The following ADARB2 variants were observed in gnomAD, a reference collection of about 807,000 sequenced individuals.
ADARB2 encodes adenosine deaminase RNA specific B2 (inactive), also known as inactive double-stranded RNA-specific editase B2.
ADARB2 carries 25 observed loss-of-function variants against 62.2 expected under a neutral mutation model. The ratio of observed to expected loss-of-function variants is 0.40; its 90% CI spans 0.29 to 0.56. The LOEUF (loss-of-function observed/expected upper bound fraction) is 0.56, where lower values mean the gene tolerates loss of function less well. Among genes scored for constraint, ADARB2 ranks in the 20% least tolerant of loss-of-function variants. ADARB2 has a pLI of 0.43. For missense variants in ADARB2, 1,071 were observed against 1,077.4 expected (o/e 0.99, Z 0.08); for synonymous variants, 572 against 500.8 (o/e 1.14, Z -1.90).
At chr10:1,432,670 A>G (rs571625591) in intron 1 of ADARB2, among the ~76,000 whole-genome samples, 176 of 151,950 alleles carry the variant, frequency 1.2e-3, no homozygotes, top group African/African-American at 4.0e-3. Context: ...TGGCTGTGGT[A>G]CAGATTGCCA....
intron 2 of ADARB2, among the ~76,000 whole-genome samples, chr10:1,378,612 T>C (rs1040780720): frequency 2.0e-5 from 3 of 152,076 alleles, no homozygotes; most frequent in East Asian, 1.9e-4. Flanking sequence ...AGGATGGGAC[T>C]GAAGATGAGA....
chr10:1,471,658 G>C (rs1238368296), intron 1 of ADARB2, among the ~76,000 whole-genome samples: 1 of 152,204 alleles, frequency 6.6e-6, no homozygotes, highest in Non-Finnish European at 1.5e-5. Flanking sequence ...CTCCCAAAGT[G>C]CTGGGATTAT....
chr10:1,301,167 G>A (rs918498756), intron 3 of ADARB2, among the ~76,000 whole-genome samples: 7 of 152,206 alleles, frequency 4.6e-5, no homozygotes, highest in Admixed American at 1.3e-4. Context: ...TGATAAAATC[G>A]TGGCACAGGG....
In ADARB2 at chr10:1,624,782, TCA is replaced by T. The variant is rs544677048; in HGVS notation, c.100+112267_100+112268del. Reference sequence around the variant, plus strand: ...AACAAAATGACTTCTAATTTTATCTTCAGAGTCTTTAAAGGTAAAAAAGTACT... The same window carrying T: ...AACAAAATGACTTCTAATTTTATCTTGAGTCTTTAAAGGTAAAAAAGTACT... On this transcript the variant is annotated intron_variant, in intron 1 of 9. Coordinates refer to ENST00000381312, the MANE Select transcript of ADARB2 (RefSeq NM_018702.4). 2.0e-5 allele frequency among the ~76,000 whole-genome samples: 3 copies of T among 152,328 alleles called. No homozygotes were observed. In the South Asian group the frequency reaches 6.2e-4, roughly 32 times the overall value.
chr10:1,596,598 C>T (rs1437884718), intron 1 of ADARB2, among the ~76,000 whole-genome samples: 3 of 152,170 alleles, frequency 2.0e-5, no homozygotes, highest in African/African-American at 4.8e-5. Context: ...AGGCCCTGAT[C>T]CCTGCAGGGG....
At chr10:1,615,591 T>G (rs1326029306) in intron 1 of ADARB2, among the ~76,000 whole-genome samples, 4 of 152,232 alleles carry the variant, frequency 2.6e-5, no homozygotes, top group African/African-American at 9.6e-5. Flanking sequence ...CGAATGGGAA[T>G]TGGGCTCTCC....
At chr10:1,223,990 A>G (rs1250052939) in intron 6 of ADARB2, among the ~76,000 whole-genome samples, 2 of 152,188 alleles carry the variant, frequency 1.3e-5, no homozygotes, top group Non-Finnish European at 2.9e-5. Context: ...ATAGTTTCAG[A>G]AGGAATGGTA....
At chr10:1,321,000 A>G (rs2131827635) in intron 3 of ADARB2, among the ~76,000 whole-genome samples, 1 of 152,322 alleles carries the variant, frequency 6.6e-6, no homozygotes, top group East Asian at 1.9e-4. Context: ...TTTACTGTGA[A>G]ATGTTCTGAT....
At chr10:1,287,873 T>C (rs1831427758) in intron 3 of ADARB2, among the ~76,000 whole-genome samples, 1 of 152,252 alleles carries the variant, frequency 6.6e-6, no homozygotes, top group South Asian at 2.1e-4. Context: ...ATCTAAGCGT[T>C]CCTTCCTCTC....
chr10:1,466,910 A>C (rs1229809665), intron 1 of ADARB2, among the ~76,000 whole-genome samples: 1 of 152,026 alleles, frequency 6.6e-6, no homozygotes, highest in Non-Finnish European at 1.5e-5. Context: ...CTGCGTGTTG[A>C]CTTCAGGGTG....
chr10:1,489,589 G>A (rs1831594240), intron 1 of ADARB2, among the ~76,000 whole-genome samples: 1 of 152,188 alleles, frequency 6.6e-6, no homozygotes, highest in South Asian at 2.1e-4. Flanking sequence ...CAATCTCAGA[G>A]TTTTTTAAAC....
chr10:1,574,674 A>G (rs140859751), intron 1 of ADARB2, among the ~76,000 whole-genome samples: 18 of 152,268 alleles, frequency 1.2e-4, no homozygotes, highest in Non-Finnish European at 1.3e-4. Flanking sequence ...GTCTGCTTTT[A>G]TAAGGACACC....
rs189731041 is a variant in ADARB2, at chr10:1,534,799, C to T, written c.101-155639G>A. 73 of 167,178 alleles carry T rather than the reference C, an allele frequency of 4.4e-4. 1 individual carries two copies. The highest frequency in any genetic ancestry group is 7.3e-4 in the Non-Finnish European group (50 of 68,146). 10.4% of individuals were successfully genotyped at this position (167,178 alleles called of 1,614,324 possible). On this transcript the variant is annotated intron_variant, in intron 1 of 9. Coordinates refer to ENST00000381312, the MANE Select transcript of ADARB2 (RefSeq NM_018702.4). ...TGGGAGAGAGATTTGATATCTGCTT[C>T]CCTTTCAAATGAAAGGAAAAGAGTG...
chr10:1,723,239 C>CT (rs1835118942), intron 1 of ADARB2, among the ~76,000 whole-genome samples: 2 of 152,206 alleles, frequency 1.3e-5, no homozygotes, highest in African/African-American at 4.8e-5. Context: ...CCAGCAGTGT[C>CT]TTTTCTAAGT....
chr10:1,410,055 A>C (rs1588248064), intron 1 of ADARB2, among the ~76,000 whole-genome samples: 1 of 106,674 alleles, frequency 9.4e-6, no homozygotes, highest in African/African-American at 3.3e-5. Context: ...GGCTGTGGTC[A>C]TAGGGAAGGA....
chr10:1,466,363 G>T (rs1564298080), intron 1 of ADARB2, among the ~76,000 whole-genome samples: 2 of 152,338 alleles, frequency 1.3e-5, no homozygotes, highest in South Asian at 2.1e-4. Flanking sequence ...CTGGCCCCTT[G>T]CATGTTAGGG....
At chr10:1,310,026 GTTTCC>G (rs1831674128) in intron 3 of ADARB2, among the ~76,000 whole-genome samples, 1 of 152,182 alleles carries the variant, frequency 6.6e-6, no homozygotes, top group African/African-American at 2.4e-5. Flanking sequence ...GTCTTCATGT[GTTTCC>G]TTTAACTTCT....
chr10:1,523,320 A>G (rs934097512), intron 1 of ADARB2, among the ~76,000 whole-genome samples: 1 of 152,212 alleles, frequency 6.6e-6, no homozygotes, highest in African/African-American at 2.4e-5. Flanking sequence ...GATTTTGTGT[A>G]AGTGCAAGAG....
At position 1,200,046 on chromosome 10, in the gene ADARB2, A is replaced by G; in HGVS notation, c.1784T>C (p.Leu595Pro). 1 of 1,596,390 alleles carries G rather than the reference A, an allele frequency of 6.3e-7. No individual in the cohort carries two copies. Among genetic ancestry groups the G allele is most frequent in the Non-Finnish European group, 8.5e-7 (1 of 1,175,612 alleles). Residue 595 changes from leucine to proline, a missense_variant, in exon 8 of 10, where the codon CTC (leucine) becomes CCC (proline). Transcript: ENST00000381312. Reference protein sequence around the residue: ...VVGSLHHTGHLARVMSHRMEG... With the variant: ...VVGSLHHTGHPARVMSHRMEG... Reference sequence around the variant, plus strand: ...CATGCGGTGGCTCATGACGCGTGCGAGGTGGCCCGTGTGGTGCAGGCTGCC... The same window carrying G: ...CATGCGGTGGCTCATGACGCGTGCGGGGTGGCCCGTGTGGTGCAGGCTGCC...
Sources: allele counts gnomAD v4.1 joint callset (sites outside exome capture counted in the v4.1 genomes callset), GRCh38; gene constraint gnomAD v4.1.1; transcripts MANE v1.5; gene names NCBI Gene and HGNC (gene_info 2026-07-23, HGNC 2026-07-21).